The following CCDC171 variants were observed in gnomAD, a reference collection of about 807,000 sequenced individuals.
CCDC171 encodes coiled-coil domain-containing protein 171.
In CCDC171, 177 loss-of-function variants were observed where a neutral mutation model predicts 168.2. The observed-to-expected ratio is 1.05, with a 90% CI of 0.93 to 1.19. The LOEUF is 1.19. Among genes scored for constraint, CCDC171 ranks in the 50% most tolerant of loss-of-function variants. The pLI is 0.00. For synonymous variants in CCDC171, 687 were observed against 540.8 expected (o/e 1.27, Z -3.75); for missense variants, 1,991 against 1,539.0 (o/e 1.29, Z -4.91).
At chr9:15,793,216 A>G (rs1421667625) in intron 21 of CCDC171, among the ~76,000 whole-genome samples, 2 of 152,010 alleles carry the variant, frequency 1.3e-5, no homozygotes, top group Non-Finnish European at 2.9e-5. Context: ...AAAGATCAAA[A>G]GAGACAAAGA....
At chr9:15,828,751 T>A (rs1421489765) in intron 21 of CCDC171, among the ~76,000 whole-genome samples, 3 of 151,952 alleles carry the variant, frequency 2.0e-5, no homozygotes, top group Admixed American at 2.0e-4. Flanking sequence ...TCTGTAATAT[T>A]TTTTAGAGAA....
intron 4 of CCDC171, among the ~76,000 whole-genome samples, chr9:15,588,891 T>A (rs2041785468): frequency 6.6e-6 from 1 of 151,810 alleles, no homozygotes; most frequent in South Asian, 2.1e-4. Context: ...GTATTTGTTT[T>A]GGTAGAGATG....
At chr9:15,578,555 C>A (rs1449128975) in intron 3 of CCDC171, among the ~76,000 whole-genome samples, 1 of 151,074 alleles carries the variant, frequency 6.6e-6, no homozygotes, top group Non-Finnish European at 1.5e-5. Flanking sequence ...CAGGAGTGAG[C>A]CACCGTGCCT....
chr9:15,812,369 T>C (rs2059393497), intron 21 of CCDC171, among the ~76,000 whole-genome samples: 7 of 151,814 alleles, frequency 4.6e-5, no homozygotes, highest in Admixed American at 4.6e-4. Flanking sequence ...CTTCAAGGAG[T>C]CTAGGTATAT....
intron 24 of CCDC171, chr9:15,887,996 T>C (rs1819659170): frequency 1.3e-5 from 2 of 152,326 alleles, no homozygotes; most frequent in South Asian, 4.1e-4. Context: ...TGGAAGCATA[T>C]TCCCTCAGCT....
chr9:15,799,612 G>C (rs1015934676), intron 21 of CCDC171, among the ~76,000 whole-genome samples: 2 of 151,944 alleles, frequency 1.3e-5, no homozygotes, highest in Non-Finnish European at 2.9e-5. Flanking sequence ...CCTTTGTGTT[G>C]CGAACAATCC....
rs144387194 is a variant in CCDC171, at chr9:15,998,455, C to T, written n.369-22134C>T. On this transcript the variant is annotated intron_variant and non_coding_transcript_variant, in intron 3 of 9. Transcript: ENST00000486641. ...TCTGTGGATCAGGCATTTCATAAGC[C>T]CCCAGATAGTGATGTGTGGCTGAAG... Among the ~76,000 whole-genome samples, 65 of 152,226 alleles carry T rather than the reference C, an allele frequency of 4.3e-4. 1 individual carries two copies. The East Asian group carries it at 0.012, about 27-fold the overall frequency.
At chr9:15,580,092 C>A (rs866353551) in intron 4 of CCDC171, among the ~76,000 whole-genome samples, 1 of 152,126 alleles carries the variant, frequency 6.6e-6, no homozygotes, top group South Asian at 2.1e-4. Context: ...TGATCTTTGA[C>A]AAAGCAAACA....
chr9:15,739,294 A>G (rs1049217705), intron 16 of CCDC171, among the ~76,000 whole-genome samples: 1 of 152,182 alleles, frequency 6.6e-6, no homozygotes, highest in African/African-American at 2.4e-5. Context: ...TGTGAAAAGT[A>G]GTGGTGAGGC....
At chr9:15,633,010 C>G (rs1189471353) in intron 7 of CCDC171, among the ~76,000 whole-genome samples, 4 of 152,120 alleles carry the variant, frequency 2.6e-5, no homozygotes, top group Admixed American at 2.6e-4. Context: ...ACCCATTACA[C>G]AAAAATTAAT....
intron 24 of CCDC171, chr9:15,875,799 A>C (rs1319162618): frequency 6.6e-6 from 1 of 152,044 alleles, no homozygotes; most frequent in African/African-American, 2.4e-5. Flanking sequence ...TTCTTTCATT[A>C]GATTGTCCAA....
intron 23 of CCDC171, among the ~76,000 whole-genome samples, chr9:15,873,429 A>G (rs1386239751): frequency 6.6e-6 from 1 of 152,096 alleles, no homozygotes; most frequent in Non-Finnish European, 1.5e-5. Context: ...TGCAATTTTT[A>G]TAGTTAACCT....
At chr9:15,866,831 T>C (rs546097021) in intron 23 of CCDC171, among the ~76,000 whole-genome samples, 14 of 152,178 alleles carry the variant, frequency 9.2e-5, no homozygotes, top group African/African-American at 3.4e-4. Context: ...TTCTGTCTCC[T>C]TAATTTTTAT....
intron 1 of CCDC171, among the ~76,000 whole-genome samples, chr9:16,058,444 C>A (rs1287510348): frequency 6.6e-6 from 1 of 152,182 alleles, no homozygotes; most frequent in Non-Finnish European, 1.5e-5. Flanking sequence ...CCGGCGTGCA[C>A]AAGTCACCTC....
the CCDC171 span, among the ~76,000 whole-genome samples, chr9:16,095,796 C>T: frequency 4.0e-5 from 6 of 149,448 alleles, no homozygotes; most frequent in African/African-American, 1.5e-4. Context: ...CTTCATAGGG[C>T]TATTTCGGTG....
the CCDC171 span, among the ~76,000 whole-genome samples, chr9:16,101,150 G>GCAGTTATTTCTTGTTATTT: frequency 3.3e-5 from 5 of 152,136 alleles, no homozygotes; most frequent in Admixed American, 3.3e-4. Flanking sequence ...ACTGCTTCTT[G>GCAGTTATTTCTTGTTATTT]CTACACAAAG....
At chr9:15,912,932 C>T (rs568970680) in intron 24 of CCDC171, among the ~76,000 whole-genome samples, 6 of 152,242 alleles carry the variant, frequency 3.9e-5, no homozygotes, top group South Asian at 2.1e-4. Flanking sequence ...CTGCTGGATT[C>T]GGTTTGCCAG....
Position 15,920,381 on chromosome 9 carries a change from C to A in CCDC171, c.3712C>A (p.Leu1238Ile). The change falls in exon 25 of 26, where the codon CTT becomes ATT. Residue 1238 changes from leucine to isoleucine, a missense_variant. Leu to Ile is a conservative substitution (Grantham distance 5). Coordinates refer to ENST00000380701, the MANE Select transcript of CCDC171 (RefSeq NM_173550.4). ...RSHIAALKSELHTACLRENAS... is the reference protein window; with the variant it reads ...RSHIAALKSEIHTACLRENAS... ...TCACATTGCAGCCTTGAAATCAGAA[C>A]TTCACACAGCTTGTTTACGTGAAAA... 2 of 1,608,898 alleles carry A rather than the reference C, an allele frequency of 1.2e-6. No individual in the cohort carries two copies. The highest frequency in any genetic ancestry group is 1.1e-5 in the South Asian group (1 of 90,440).
At chr9:15,798,479 G>T (rs979638033) in intron 21 of CCDC171, among the ~76,000 whole-genome samples, 1 of 151,970 alleles carries the variant, frequency 6.6e-6, no homozygotes, top group African/African-American at 2.4e-5. Context: ...TGCAGAACAT[G>T]CAGGTTTGTT....
Sources: allele counts gnomAD v4.1 joint callset (sites outside exome capture counted in the v4.1 genomes callset), GRCh38; gene constraint gnomAD v4.1.1; transcripts MANE v1.5; gene names NCBI Gene and HGNC (gene_info 2026-07-23, HGNC 2026-07-21).